TDRD9: variants seen among roughly 807,000 people sequenced by gnomAD.
TDRD9 encodes tudor domain containing 9.
In TDRD9, 124 loss-of-function variants were observed where a neutral mutation model predicts 172.6. That is an observed-to-expected ratio of 0.72 (90% CI 0.62 to 0.83). The LOEUF is 0.83. TDRD9 is among the 40% of genes least tolerant of loss of function. The probability of loss-of-function intolerance (pLI) is 0.00; values close to 1 mark genes in which losing one functional copy is unlikely to be tolerated. For synonymous variants in TDRD9, 619 were observed against 617.1 expected, an observed-to-expected ratio of 1.00 and a Z score of -0.05; for missense variants, 1,479 against 1,714.1, an observed-to-expected ratio of 0.86 and a Z score of 2.42.
chr14:103,975,476 A>AT lies in TDRD9; in HGVS notation c.939dup (p.Glu314Ter). 6.2e-7 allele frequency: 1 copy of AT among 1,613,874 alleles called. No individual in the cohort carries two copies. Among genetic ancestry groups the AT allele is most frequent in the Non-Finnish European group, 8.5e-7 (1 of 1,179,840 alleles). Reference sequence around the variant, plus strand: ...TCAAAACAAGATGAATCCTGCATATATTTTTGAAGTGGAAGGCAAGCCCCA... The same window carrying AT: ...TCAAAACAAGATGAATCCTGCATATATTTTTTGAAGTGGAAGGCAAGCCCCA... On this transcript the variant is annotated frameshift_variant, in exon 7 of 36. Transcript: ENST00000409874. LOFTEE classifies it high-confidence loss of function.
intron 26 of TDRD9, 81 bp from the exon 27 acceptor site, chr14:104,025,966 G>T: frequency 9.7e-7 from 1 of 1,030,736 alleles, no homozygotes; most frequent in Non-Finnish European, 1.5e-6. Flanking sequence ...TAGGATTAGA[G>T]CAGACTGCTG....
intron 1 of TDRD9, among the ~76,000 whole-genome samples, chr14:103,950,358 G>A (rs1022134813): frequency 9.2e-5 from 14 of 152,090 alleles, no homozygotes; most frequent in African/African-American, 3.4e-4. Flanking sequence ...CCAAAGTGCT[G>A]GGATTACAGG....
chr14:103,943,420 TAAG>T (rs2031369805), intron 1 of TDRD9, among the ~76,000 whole-genome samples: 2 of 150,780 alleles, frequency 1.3e-5, no homozygotes, highest in Non-Finnish European at 3.0e-5. Flanking sequence ...TATATACACA[TAAG>T]TATATATACG....
At chr14:103,993,708 C>G (rs1213528954) in intron 9 of TDRD9, among the ~76,000 whole-genome samples, 1 of 152,188 alleles carries the variant, frequency 6.6e-6, no homozygotes, top group Non-Finnish European at 1.5e-5. Flanking sequence ...GTATGGATAC[C>G]AGTCATTTTG....
chr14:104,005,077 A>C (rs1595975227), intron 14 of TDRD9, 197 bp from the exon 15 acceptor site: 5 of 380,318 alleles, frequency 1.3e-5, no homozygotes, highest in African/African-American at 5.2e-5. Context: ...CCATCTTTTT[A>C]TTTTTCCATC....
At chr14:104,012,917 T>C (rs529631962) in intron 20 of TDRD9, among the ~76,000 whole-genome samples, 66 of 152,258 alleles carry the variant, frequency 4.3e-4, no homozygotes, top group Non-Finnish European at 8.1e-4. Context: ...AAATATCTTT[T>C]TGTTGTTGTT....
chr14:103,936,947 C>T (rs1223516647), intron 1 of TDRD9, among the ~76,000 whole-genome samples: 1 of 152,028 alleles, frequency 6.6e-6, no homozygotes, highest in Non-Finnish European at 1.5e-5. Context: ...AAAAAATTAG[C>T]CGGGTGTTGT....
intron 20 of TDRD9, among the ~76,000 whole-genome samples, chr14:104,013,230 G>A (rs1231925337): frequency 6.6e-6 from 1 of 152,178 alleles, no homozygotes; most frequent in African/African-American, 2.4e-5. Context: ...CTTAATTTAT[G>A]ATCAGTTCAT....
intron 7 of TDRD9, among the ~76,000 whole-genome samples, chr14:103,979,863 C>T (rs1442985382): frequency 3.3e-5 from 5 of 151,306 alleles, no homozygotes; most frequent in East Asian, 3.9e-4. Flanking sequence ...AAACAATTTG[C>T]ATTTTCTGAC....
Position 104,006,559 on chromosome 14 carries a change from G to A in TDRD9, c.1879+5G>A. 1.2e-6 allele frequency: 2 copies of A among 1,613,026 alleles called. No individual in the cohort carries two copies. The highest frequency in any genetic ancestry group is 1.1e-5 in the South Asian group (1 of 91,026). On this transcript the variant is annotated splice_donor_5th_base_variant and intron_variant, in intron 16 of 35. Coordinates refer to ENST00000409874, the MANE Select transcript of TDRD9 (RefSeq NM_153046.3). ...TAGATGAATGTCTTATTATAGGTAA[G>A]TGTGAGAACAAATAAATGCTAATGG...
intron 2 of TDRD9, among the ~76,000 whole-genome samples, chr14:103,957,808 G>T (rs2032319144): frequency 6.6e-6 from 1 of 152,198 alleles, no homozygotes; most frequent in Non-Finnish European, 1.5e-5. Flanking sequence ...TGCGTGCTGG[G>T]CCTGTAGCGT....
At chr14:103,994,959 A>G (rs1334632801) in intron 11 of TDRD9, among the ~76,000 whole-genome samples, 1 of 32,108 alleles carries the variant, frequency 3.1e-5, no homozygotes, top group Non-Finnish European at 1.8e-4. Flanking sequence ...AAAACAAAAA[A>G]AAAAAAGAAA....
At chr14:104,040,011 CTTATAACTATATT>C (rs1297059472) in intron 32 of TDRD9, among the ~76,000 whole-genome samples, 172 bp from the exon 33 acceptor site, 7 of 151,978 alleles carry the variant, frequency 4.6e-5, no homozygotes, top group Admixed American at 1.3e-4. Flanking sequence ...ATTTACTATT[CTTATAACTATATT>C]TTATAACTAT....
At chr14:103,950,625 A>G (rs932866183) in intron 1 of TDRD9, among the ~76,000 whole-genome samples, 1 of 152,182 alleles carries the variant, frequency 6.6e-6, no homozygotes, top group Non-Finnish European at 1.5e-5. Context: ...GGTTAGAGAG[A>G]ATGTTAGAGG....
intron 14 of TDRD9, 147 bp downstream of exon 14, chr14:104,004,482 G>T (rs1275990084): frequency 8.7e-6 from 4 of 462,206 alleles, no homozygotes; most frequent in Non-Finnish European, 7.9e-6. Flanking sequence ...GGGTTTACGC[G>T]ATTCTGCTGC....
intron 5 of TDRD9, among the ~76,000 whole-genome samples, chr14:103,969,680 C>T (rs2032933110): frequency 6.6e-6 from 1 of 152,184 alleles, no homozygotes; most frequent in African/African-American, 2.4e-5. Flanking sequence ...GTAATTATCT[C>T]TCCACTTCGG....
intron 13 of TDRD9, 54 bp downstream of exon 13, chr14:103,998,782 A>C: frequency 1.1e-6 from 1 of 890,088 alleles, no homozygotes; most frequent in South Asian, 1.5e-5. Context: ...ACAGTGGCAC[A>C]TTCAGGTGCT....
chr14:103,930,751 T>C (rs1451149028), intron 1 of TDRD9, among the ~76,000 whole-genome samples: 1 of 152,208 alleles, frequency 6.6e-6, no homozygotes, highest in Non-Finnish European at 1.5e-5. Flanking sequence ...CCCTACTTAA[T>C]GGTCCATCAC....
At chr14:103,957,484 T>G (rs1375511637) in intron 2 of TDRD9, among the ~76,000 whole-genome samples, 7 of 152,256 alleles carry the variant, frequency 4.6e-5, no homozygotes, top group African/African-American at 1.4e-4. Flanking sequence ...TTTCTACTTA[T>G]GCTAAGAAAA....
Sources: gnomAD v4.1 joint callset for allele counts (sites outside exome capture counted in the v4.1 genomes callset) on GRCh38, gnomAD v4.1.1 for gene constraint, MANE v1.5 for transcripts, NCBI Gene and HGNC (gene_info 2026-07-23, HGNC 2026-07-21) for gene names.